The following TMEM38B variants were observed in gnomAD, a reference collection of about 807,000 sequenced individuals.
The protein encoded by TMEM38B is transmembrane protein 38B.
Under a neutral mutation model 28.7 loss-of-function variants are expected in TMEM38B, and 24 were observed. The ratio of observed to expected loss-of-function variants is 0.84; its 90% CI spans 0.61 to 1.18. The LOEUF (loss-of-function observed/expected upper bound fraction) is 1.18. TMEM38B is among the 50% of genes most tolerant of loss of function. The pLI, the probability that TMEM38B is intolerant of heterozygous loss-of-function variation, is 0.00. For missense variants in TMEM38B, 380 were observed against 350.9 expected (o/e 1.08, Z -0.66); for synonymous variants, 131 against 127.7 (o/e 1.03, Z -0.17).
chr9:105,734,812 G>A (rs901436696), intron 4 of TMEM38B, among the ~76,000 whole-genome samples: 4 of 149,514 alleles, frequency 2.7e-5, no homozygotes, highest in Non-Finnish European at 4.4e-5. Flanking sequence ...CTTTCAGCCT[G>A]TGTGCATCCT....
In TMEM38B at chr9:105,775,021, T is replaced by A. The variant is rs1826681393; in HGVS notation, c.*941T>A. The A allele has an allele frequency of 6.6e-6, 1 of 152,086 alleles. No individual in the cohort carries two copies. Among genetic ancestry groups the A allele is most frequent in the Non-Finnish European group, 1.5e-5 (1 of 67,950 alleles). 9.4% of individuals were successfully genotyped at this position (152,086 alleles called of 1,614,324 possible). A position where few individuals can be genotyped will look rare whatever the true frequency, so the allele number is the denominator to read the frequency against. ...AACAAAAAGCATATCCGTTCAAAAA[T>A]TTTTCCACTATGTCTTTTTTCTAGT... On this transcript the variant is annotated 3_prime_UTR_variant, in exon 6 of 6. Transcript: ENST00000374692.
At chr9:105,731,471 G>A (rs1014037521) in intron 4 of TMEM38B, among the ~76,000 whole-genome samples, 8 of 151,650 alleles carry the variant, frequency 5.3e-5, no homozygotes, top group Admixed American at 3.3e-4. Context: ...CTCACCCCAC[G>A]ACAGGCCCTG....
intron 2 of TMEM38B, among the ~76,000 whole-genome samples, chr9:105,715,270 A>G (rs903405184): frequency 2.0e-5 from 3 of 152,148 alleles, no homozygotes; most frequent in Admixed American, 2.0e-4. Flanking sequence ...TTCTGGCTTA[A>G]AGCACTGCTG....
intron 5 of TMEM38B, among the ~76,000 whole-genome samples, chr9:105,751,025 G>A (rs10759133): frequency 0.13 from 19,627 of 152,006 alleles, 1,944 homozygotes; most frequent in East Asian, 0.46. Flanking sequence ...TTACCATTAC[G>A]TCTTAATTGT....
At chr9:105,723,738 C>G (rs147714360) in intron 4 of TMEM38B, among the ~76,000 whole-genome samples, 67 of 152,118 alleles carry the variant, frequency 4.4e-4, no homozygotes, top group African/African-American at 1.6e-3. Context: ...GCTGTGTTGC[C>G]CAGGCTGGTC....
chr9:105,757,781 T>G (rs1837885862), intron 5 of TMEM38B, among the ~76,000 whole-genome samples: 1 of 152,078 alleles, frequency 6.6e-6, no homozygotes, highest in African/African-American at 2.4e-5. Context: ...TTCAGTGGAC[T>G]GGTAAGGGAT....
intron 5 of TMEM38B, among the ~76,000 whole-genome samples, chr9:105,772,876 T>C (rs1016058222): frequency 6.6e-6 from 1 of 152,184 alleles, no homozygotes; most frequent in Non-Finnish European, 1.5e-5. Context: ...TTCTAAATAT[T>C]GCATAGCATG....
In TMEM38B at chr9:105,716,374, T is replaced by TTGTGTGTGTGTGTGTGTGTG. The variant is rs139155061; in HGVS notation, c.270-5146_270-5145insGTGTGTGTGTGTGTGTGTGT. ...CCAGAACCTCTGTCAGTTGTAGCAT[T>TTGTGTGTGTGTGTGTGTGTG]TGTGTGTGTGTGTGTGTATATTTCC... On this transcript the variant is annotated intron_variant, in intron 2 of 5. Coordinates refer to ENST00000374692, the MANE Select transcript of TMEM38B (RefSeq NM_018112.3). 6.6e-3 allele frequency among the ~76,000 whole-genome samples: 995 copies of TTGTGTGTGTGTGTGTGTGTG among 150,740 alleles called. 6 individuals are homozygous for TTGTGTGTGTGTGTGTGTGTG. Among genetic ancestry groups the TTGTGTGTGTGTGTGTGTGTG allele is most frequent in the African/African-American group, 0.023 (944 of 40,938 alleles).
At chr9:105,739,536 T>C (rs906028545) in intron 4 of TMEM38B, among the ~76,000 whole-genome samples, 4 of 152,184 alleles carry the variant, frequency 2.6e-5, no homozygotes, top group African/African-American at 9.7e-5. Context: ...TGTTCCTTTT[T>C]CTTTTTTTAG....
chr9:105,765,158 CTT>C (rs1368530580), intron 5 of TMEM38B, among the ~76,000 whole-genome samples: 1 of 152,026 alleles, frequency 6.6e-6, no homozygotes, highest in Non-Finnish European at 1.5e-5. Flanking sequence ...TATGCTGAAA[CTT>C]TTTTTGTTTA....
At position 105,719,564 on chromosome 9, in the gene TMEM38B, G is replaced by T. The variant is rs570359948; in HGVS notation, c.270-1973G>T. Among the ~76,000 whole-genome samples the T allele has an allele frequency of 1.8e-4, 28 of 152,162 alleles. No homozygotes were observed. In the South Asian group the frequency reaches 5.6e-3, roughly 30 times the overall value. On this transcript the variant is annotated intron_variant, in intron 2 of 5. Transcript: ENST00000374692. ...GAGCACAATAAACAATTGTTCTTTT[G>T]CCCTGTGGCTACTTAACTCTCAAAT... is the stretch of plus-strand genomic sequence containing the variant.
chr9:105,760,603 A>G lies in TMEM38B; in HGVS notation c.660+12413A>G, dbSNP rs1017458261. On this transcript the variant is annotated intron_variant, in intron 5 of 5. Coordinates refer to ENST00000374692, the MANE Select transcript of TMEM38B (RefSeq NM_018112.3). Reference sequence around the variant, plus strand: ...TTTACCTCTAAAGGAGAAAAGAAAAAAACTAAAACAGTTTCAGAAGGAATA... The same window carrying G: ...TTTACCTCTAAAGGAGAAAAGAAAAGAACTAAAACAGTTTCAGAAGGAATA... 5 of 767,574 alleles carry G rather than the reference A, an allele frequency of 6.5e-6. No homozygotes were observed. The African/African-American group carries it at 8.7e-5, about 13-fold the overall frequency. The allele number at this position is 767,574 out of a possible 1,614,324, so 47.5% of individuals were successfully genotyped here.
intron 1 of TMEM38B, among the ~76,000 whole-genome samples, chr9:105,698,531 T>A (rs1052926754): frequency 2.0e-5 from 3 of 152,146 alleles, no homozygotes; most frequent in Non-Finnish European, 2.9e-5. Context: ...TGTAGTGAAT[T>A]ACATTATTAC....
Position 105,774,701 on chromosome 9 carries a change from A to G in TMEM38B, c.*621A>G, listed in dbSNP as rs1826671196. 6.6e-6 allele frequency: 1 copy of G among 151,996 alleles called. No individual in the cohort carries two copies. The highest frequency in any genetic ancestry group is 1.5e-5 in the Non-Finnish European group (1 of 67,940). 9.4% of individuals were successfully genotyped at this position (151,996 alleles called of 1,614,324 possible). ...TTCCATAGCAGGTATTTTCTACTAG[A>G]AGTAGTTTTACTACTTTTCATTTAG... On this transcript the variant is annotated 3_prime_UTR_variant, in exon 6 of 6. Transcript: ENST00000374692.
chr9:105,740,770 A>G (rs1837173862), intron 4 of TMEM38B, among the ~76,000 whole-genome samples: 1 of 152,122 alleles, frequency 6.6e-6, no homozygotes, highest in Admixed American at 6.6e-5. Flanking sequence ...AAATATACGT[A>G]TTGTGGAAAA....
At chr9:105,739,305 C>CTTTT (rs769439573) in intron 4 of TMEM38B, among the ~76,000 whole-genome samples, 2 of 136,834 alleles carry the variant, frequency 1.5e-5, no homozygotes, top group African/African-American at 2.6e-5. Flanking sequence ...TAACTTGGTT[C>CTTTT]TTTTTTTTTT....
chr9:105,745,458 T>G (rs1412930011), intron 4 of TMEM38B, among the ~76,000 whole-genome samples: 3 of 152,190 alleles, frequency 2.0e-5, no homozygotes, highest in Non-Finnish European at 4.4e-5. Flanking sequence ...TGTAAATTTG[T>G]TTGAGTTCTT....
chr9:105,756,046 C>T (rs965335102), intron 5 of TMEM38B, among the ~76,000 whole-genome samples: 1 of 152,100 alleles, frequency 6.6e-6, no homozygotes, highest in Non-Finnish European at 1.5e-5. Context: ...GTCTGGCCAA[C>T]ATGGTGAAAT....
chr9:105,745,493 T>A (rs113415623), intron 4 of TMEM38B, among the ~76,000 whole-genome samples: 1 of 152,240 alleles, frequency 6.6e-6, no homozygotes, highest in East Asian at 1.9e-4. Flanking sequence ...ATTAGCCCTT[T>A]GACAGATAAG....
Sources: gnomAD v4.1 joint callset for allele counts (sites outside exome capture counted in the v4.1 genomes callset) on GRCh38, gnomAD v4.1.1 for gene constraint, MANE v1.5 for transcripts, NCBI Gene and HGNC (gene_info 2026-07-23, HGNC 2026-07-21) for gene names.